ANKRD55: variants seen among roughly 807,000 people sequenced by gnomAD.
The protein encoded by ANKRD55 is ankyrin repeat domain-containing protein 55.
A neutral mutation model predicts 60.6 loss-of-function variants in ANKRD55; 41 were observed. The ratio of observed to expected loss-of-function variants is 0.68; its 90% CI spans 0.53 to 0.88. The LOEUF is 0.88. Ranked by LOEUF, ANKRD55 falls within the 40% of genes least tolerant of loss-of-function variation. The pLI, the probability that ANKRD55 is intolerant of heterozygous loss-of-function variation, is 0.00. For missense variants in ANKRD55, 732 were observed against 767.6 expected (o/e 0.95, Z 0.55); for synonymous variants, 264 against 290.3 (o/e 0.91, Z 0.92).
At chr5:56,211,068 G>C (rs1268907535) in intron 2 of ANKRD55, among the ~76,000 whole-genome samples, 1 of 152,076 alleles carries the variant, frequency 6.6e-6, no homozygotes, top group African/African-American at 2.4e-5. Context: ...TACAGCCAAA[G>C]GCCATTTCAG....
chr5:56,131,446 A>T (rs1757408705), intron 7 of ANKRD55, among the ~76,000 whole-genome samples: 1 of 152,200 alleles, frequency 6.6e-6, no homozygotes, highest in African/African-American at 2.4e-5. Context: ...ACTTTCTTAG[A>T]TAAACAAAAA....
At chr5:56,191,612 C>T (rs902487703) in intron 2 of ANKRD55, among the ~76,000 whole-genome samples, 1 of 152,098 alleles carries the variant, frequency 6.6e-6, no homozygotes, top group African/African-American at 2.4e-5. Context: ...TAAAAATGGA[C>T]CGAGTCACCT....
intron 2 of ANKRD55, among the ~76,000 whole-genome samples, chr5:56,185,809 G>A (rs558094245): frequency 1.3e-5 from 2 of 152,216 alleles, no homozygotes; most frequent in Admixed American, 6.5e-5. Context: ...CCTTTGCCTC[G>A]GTTTCTCTGT....
chr5:56,170,980 C>G (rs1758601798), intron 4 of ANKRD55, among the ~76,000 whole-genome samples, 177 bp from the exon 5 acceptor site: 1 of 152,170 alleles, frequency 6.6e-6, no homozygotes, highest in Admixed American at 6.5e-5. Flanking sequence ...GGCCGAAGGT[C>G]TTGAAGTACA....
intron 2 of ANKRD55, among the ~76,000 whole-genome samples, chr5:56,209,466 CTTTT>C (rs60256412): frequency 2.3e-5 from 3 of 132,324 alleles, no homozygotes; most frequent in Admixed American, 1.5e-4. Flanking sequence ...ACATGTATAT[CTTTT>C]TTTTTTTTTT....
chr5:56,199,098 A>G (rs567401198), intron 2 of ANKRD55, among the ~76,000 whole-genome samples: 1 of 151,874 alleles, frequency 6.6e-6, no homozygotes, highest in Admixed American at 6.6e-5. Context: ...CAAACAAACA[A>G]ACAAACCCAA....
intron 2 of ANKRD55, among the ~76,000 whole-genome samples, chr5:56,205,537 A>G (rs1759480639): frequency 3.3e-5 from 5 of 152,206 alleles, no homozygotes; most frequent in Admixed American, 3.3e-4. Context: ...CCATCTTGGC[A>G]GTGTTCTTGA....
At chr5:56,135,396 G>T (rs1216847986) in intron 7 of ANKRD55, among the ~76,000 whole-genome samples, 1 of 127,100 alleles carries the variant, frequency 7.9e-6, no homozygotes, top group Admixed American at 8.3e-5. Flanking sequence ...TCTTGACAGG[G>T]TCTCACTCTG....
intron 2 of ANKRD55, among the ~76,000 whole-genome samples, chr5:56,210,663 T>G (rs1397155649): frequency 2.0e-5 from 3 of 151,924 alleles, no homozygotes. Context: ...TGTTTGCCAA[T>G]TAAGTTCTCA....
chr5:56,201,408 C>G (rs1395266424), intron 2 of ANKRD55, among the ~76,000 whole-genome samples: 1 of 152,208 alleles, frequency 6.6e-6, no homozygotes, highest in African/African-American at 2.4e-5. Context: ...ATTGATACAG[C>G]TGGCTGGCAT....
chr5:56,112,331 A>G lies in ANKRD55; in HGVS notation c.966-549T>C, dbSNP rs549456387. 3.3e-5 allele frequency among the ~76,000 whole-genome samples: 5 copies of G among 152,006 alleles called. No homozygotes were observed. In the East Asian group the frequency reaches 7.7e-4, roughly 23 times the overall value. Reference sequence around the variant, plus strand: ...TTATCCCCCTCAGAGACCCCTCCCCATTTTAAACTAAAACTTTCCTATCGA... The same window carrying G: ...TTATCCCCCTCAGAGACCCCTCCCCGTTTTAAACTAAAACTTTCCTATCGA... On this transcript the variant is annotated intron_variant, in intron 9 of 11. Transcript: ENST00000341048.
At chr5:56,197,646 T>A (rs958664595) in intron 2 of ANKRD55, among the ~76,000 whole-genome samples, 1 of 152,222 alleles carries the variant, frequency 6.6e-6, no homozygotes. Context: ...ATGTCTTATG[T>A]TCTCTAATGA....
At chr5:56,183,403 A>G in intron 3 of ANKRD55, 109 bp downstream of exon 3, 1 of 1,418,042 alleles carries the variant, frequency 7.1e-7, no homozygotes, top group Non-Finnish European at 9.6e-7. Context: ...TAGGCACAGT[A>G]TCAAAATGGC....
chr5:56,139,032 C>A (rs73128415), intron 7 of ANKRD55, among the ~76,000 whole-genome samples: 5,594 of 146,550 alleles, frequency 0.038, 348 homozygotes, highest in African/African-American at 0.13. Context: ...AACAAATGTA[C>A]CACTGTAGTG....
intron 7 of ANKRD55, among the ~76,000 whole-genome samples, chr5:56,139,279 C>T (rs1296159854): frequency 1.3e-5 from 2 of 152,086 alleles, no homozygotes; most frequent in Non-Finnish European, 2.9e-5. Flanking sequence ...TCAATGAACA[C>T]CTCTTTAGGG....
intron 2 of ANKRD55, among the ~76,000 whole-genome samples, chr5:56,208,294 A>G (rs1759564050): frequency 6.6e-6 from 1 of 152,224 alleles, no homozygotes; most frequent in South Asian, 2.1e-4. Context: ...TAGCTTAAAA[A>G]AAAAAGTAAA....
At chr5:56,208,413 A>AATATT (rs1304512787) in intron 2 of ANKRD55, among the ~76,000 whole-genome samples, 1 of 151,358 alleles carries the variant, frequency 6.6e-6, no homozygotes, top group African/African-American at 2.4e-5. Context: ...TTTAAAAAAA[A>AATATT]TATTTATTTA....
rs531084613 is a variant in ANKRD55, at chr5:56,127,166, G to C, written c.613-60C>G. ...CAATCCAGTGTTCTTCTCTGTCTAG[G>C]CATGTTAAGATAAAAATACAAAGGA... On this transcript the variant is annotated intron_variant, in intron 7 of 11. Coordinates refer to ENST00000341048, the MANE Select transcript of ANKRD55 (RefSeq NM_024669.3). 2.8e-5 allele frequency: 38 copies of C among 1,354,468 alleles called. No individual in the cohort carries two copies. In the African/African-American group the frequency reaches 4.0e-4, roughly 14 times the overall value. 83.9% of individuals were successfully genotyped at this position (1,354,468 alleles called of 1,614,324 possible).
intron 4 of ANKRD55, among the ~76,000 whole-genome samples, chr5:56,173,520 T>C (rs991584206): frequency 4.2e-4 from 59 of 139,208 alleles, no homozygotes; most frequent in Admixed American, 7.4e-4. Context: ...TATCAAATAA[T>C]ACGTTAAATG....
Sources: allele counts gnomAD v4.1 joint callset (sites outside exome capture counted in the v4.1 genomes callset), GRCh38; gene constraint gnomAD v4.1.1; transcripts MANE v1.5; gene names NCBI Gene and HGNC (gene_info 2026-07-23, HGNC 2026-07-21).